The following TTBK2 variants were observed in gnomAD, a reference collection of about 807,000 sequenced individuals.
TTBK2 encodes the protein tau tubulin kinase 2, also known as tau-tubulin kinase 2.
In TTBK2, 28 loss-of-function variants were observed where a neutral mutation model predicts 110.8. The observed-to-expected ratio is 0.25, with a 90% CI of 0.19 to 0.35. The LOEUF is 0.35. Ranked by LOEUF, TTBK2 falls within the 10% of genes least tolerant of loss-of-function variation. TTBK2 has a pLI of 1.00. For missense variants in TTBK2, 1,369 were observed against 1,500.3 expected (o/e 0.91, Z 1.45); for synonymous variants, 532 against 527.3 (o/e 1.01, Z -0.12).
At chr15:42,875,623 C>A (rs1221152943) in intron 2 of TTBK2, among the ~76,000 whole-genome samples, 1 of 152,010 alleles carries the variant, frequency 6.6e-6, no homozygotes, top group Non-Finnish European at 1.5e-5. Context: ...ATGGGACCAT[C>A]TGGCCAGGCA....
intron 1 of TTBK2, among the ~76,000 whole-genome samples, chr15:42,899,657 T>C (rs1895806688): frequency 6.6e-6 from 1 of 152,044 alleles, no homozygotes; most frequent in African/African-American, 2.4e-5. Flanking sequence ...GGGGAATCAC[T>C]TGAACCCAGG....
chr15:42,784,048 C>A lies in TTBK2; in HGVS notation c.981-413G>T, dbSNP rs147806921. Among the ~76,000 whole-genome samples the A allele has an allele frequency of 1.2e-3, 180 of 150,274 alleles. 3 individuals carry two copies. The East Asian group carries it at 0.015, about 13-fold the overall frequency. ...CTGCACTCCAGCCTGGGTGACAGAG[C>A]GAGACTCCAGCTCAAAAAACAAAAC... On this transcript the variant is annotated intron_variant, in intron 10 of 14. Transcript: ENST00000267890.
intron 1 of TTBK2, among the ~76,000 whole-genome samples, chr15:42,903,721 G>C (rs1022354772): frequency 2.0e-5 from 3 of 152,168 alleles, no homozygotes; most frequent in African/African-American, 7.2e-5. Context: ...TCCTGCTATT[G>C]ATCCTTTCCC....
At position 42,738,745 on chromosome 15, in the gene TTBK2, T is replaced by C. The variant is rs2061731864; in HGVS notation, c.*7050A>G. 6.6e-6 allele frequency: 1 copy of C among 152,220 alleles called. No individual in the cohort carries two copies. Among genetic ancestry groups the C allele is most frequent in the African/African-American group, 2.4e-5 (1 of 41,452 alleles). The allele number at this position is 152,220 out of a possible 1,614,324, so 9.4% of individuals were successfully genotyped here. On this transcript the variant is annotated 3_prime_UTR_variant, in exon 15 of 15. Coordinates refer to ENST00000267890, the MANE Select transcript of TTBK2 (RefSeq NM_173500.4). ...GACTAAAAAGGAGCTTTTAATATTT[T>C]AATTTTATTACAGGAAAACATCTCC...
rs556584479 is a variant in TTBK2 at position 42,806,750 on chromosome 15, G to A, written c.822+3864C>T. 4.6e-4 allele frequency among the ~76,000 whole-genome samples: 70 copies of A among 151,856 alleles called. 1 individual carries two copies. Among genetic ancestry groups the A allele is most frequent in the African/African-American group, 1.4e-3 (56 of 41,422 alleles). The stretch of plus-strand genomic sequence containing the variant: ...CAAGCTTCTCTAACCTGTAACCCAG[G>A]ATGGCTTTGAATGTGACCCAACACA... On this transcript the variant is annotated intron_variant, in intron 9 of 14. Coordinates refer to ENST00000267890, the MANE Select transcript of TTBK2 (RefSeq NM_173500.4).
chr15:42,888,489 AC>A (rs1458473961), intron 1 of TTBK2, among the ~76,000 whole-genome samples: 1 of 151,938 alleles, frequency 6.6e-6, no homozygotes, highest in Non-Finnish European at 1.5e-5. Flanking sequence ...CCTAATCGCC[AC>A]TCACAAGCAA....
intron 3 of TTBK2, chr15:42,871,619 T>C (rs918583159): frequency 1.3e-5 from 13 of 984,004 alleles, no homozygotes; most frequent in African/African-American, 3.5e-5. Context: ...TCTACACCAC[T>C]GAGTTGAGAA....
rs758714670 is a variant in TTBK2, at chr15:42,775,387, C to T, written c.1746G>A (p.Glu582=). Residue 582 remains glutamate, a synonymous_variant, in exon 13 of 15, where the codon GAG becomes GAA. Coordinates refer to ENST00000267890, the MANE Select transcript of TTBK2 (RefSeq NM_173500.4). ...CCTCCAGGACTTGAAGTACTTCAGG[C>T]TCCTCATCAGAAGGACTTCCAGTTG... ...HKTTGSPSDE[E]PEVLQVLEAS... is the part of the protein sequence containing the mutation. 5.6e-6 allele frequency: 9 copies of T among 1,614,214 alleles called. No individual in the cohort carries two copies. In the South Asian group the frequency reaches 9.9e-5, roughly 18 times the overall value.
At chr15:42,764,643 G>T (rs1030923011) in intron 13 of TTBK2, among the ~76,000 whole-genome samples, 2 of 152,378 alleles carry the variant, frequency 1.3e-5, no homozygotes, top group South Asian at 2.1e-4. Flanking sequence ...GCTCAGCAAG[G>T]CCTGCTGCCT....
chr15:42,806,906 C>G (rs1891492841), intron 9 of TTBK2, among the ~76,000 whole-genome samples: 1 of 151,856 alleles, frequency 6.6e-6, no homozygotes, highest in African/African-American at 2.4e-5. Flanking sequence ...CAGTGTGGCC[C>G]AGGGAAGCCA....
intron 9 of TTBK2, among the ~76,000 whole-genome samples, chr15:42,800,674 C>A (rs779782559): frequency 6.6e-6 from 1 of 151,894 alleles, no homozygotes; most frequent in Non-Finnish European, 1.5e-5. Context: ...AAGAAATTGC[C>A]CCACTTCAGT....
chr15:42,880,225 T>C (rs189272440), intron 1 of TTBK2, among the ~76,000 whole-genome samples: 15 of 152,188 alleles, frequency 9.9e-5, no homozygotes, highest in African/African-American at 2.4e-4. Context: ...AAAGGAAGCT[T>C]TGAATGAATG....
At chr15:42,853,844 GC>G (rs1373083825) in intron 3 of TTBK2, among the ~76,000 whole-genome samples, 1 of 151,762 alleles carries the variant, frequency 6.6e-6, no homozygotes, top group East Asian at 1.9e-4. Context: ...TGGCACCACT[GC>G]ACTCCAGCCT....
intron 7 of TTBK2, among the ~76,000 whole-genome samples, chr15:42,813,899 T>C (rs1891832293): frequency 1.3e-5 from 2 of 151,776 alleles, no homozygotes; most frequent in Non-Finnish European, 2.9e-5. Flanking sequence ...GTAACAAAGA[T>C]GTTCTCAACA....
At chr15:42,906,739 AC>A (rs1158085323) in intron 1 of TTBK2, among the ~76,000 whole-genome samples, 2 of 152,192 alleles carry the variant, frequency 1.3e-5, no homozygotes, top group Non-Finnish European at 2.9e-5. Context: ...GAAGTAGACA[AC>A]CCACAGAATG....
At chr15:42,826,731 C>T (rs561451922) in intron 6 of TTBK2, among the ~76,000 whole-genome samples, 2 of 152,320 alleles carry the variant, frequency 1.3e-5, no homozygotes, top group South Asian at 4.1e-4. Flanking sequence ...TGAACCTATT[C>T]TTATTCTCGG....
At chr15:42,815,167 G>A (rs1891888362) in intron 7 of TTBK2, among the ~76,000 whole-genome samples, 1 of 151,772 alleles carries the variant, frequency 6.6e-6, no homozygotes, top group African/African-American at 2.4e-5. Flanking sequence ...AAAGAAGAGA[G>A]CTTCTTTTCA....
intron 2 of TTBK2, among the ~76,000 whole-genome samples, chr15:42,876,968 T>C (rs1388736748): frequency 4.6e-5 from 7 of 152,174 alleles, no homozygotes; most frequent in African/African-American, 1.7e-4. Context: ...TTAATTACAC[T>C]AAAAAACAAA....
chr15:42,891,305 T>C (rs1895447004), intron 1 of TTBK2, among the ~76,000 whole-genome samples: 1 of 151,354 alleles, frequency 6.6e-6, no homozygotes, highest in Admixed American at 6.6e-5. Flanking sequence ...GCTTCCCAAG[T>C]AGCTAGACTA....
Sources: allele counts gnomAD v4.1 joint callset (sites outside exome capture counted in the v4.1 genomes callset), GRCh38; gene constraint gnomAD v4.1.1; transcripts MANE v1.5; gene names NCBI Gene and HGNC (gene_info 2026-07-23, HGNC 2026-07-21).